The following IL1RAP variants were observed in gnomAD, a reference collection of about 807,000 sequenced individuals.
IL1RAP encodes interleukin 1 receptor accessory protein.
A neutral mutation model predicts 60.7 loss-of-function variants in IL1RAP; 35 were observed. The ratio of observed to expected loss-of-function variants is 0.58; its 90% CI spans 0.44 to 0.76. The LOEUF (loss-of-function observed/expected upper bound fraction) is 0.76, where lower values mean the gene tolerates loss of function less well. IL1RAP is among the 30% of genes least tolerant of loss of function. IL1RAP has a pLI of 0.00. For missense variants in IL1RAP, 572 were observed against 693.9 expected (o/e 0.82, Z 1.97); for synonymous variants, 268 against 250.9 (o/e 1.07, Z -0.64).
chr3:190,607,589 G>A (rs1178988495), intron 4 of IL1RAP, among the ~76,000 whole-genome samples: 4 of 152,134 alleles, frequency 2.6e-5, no homozygotes, highest in Non-Finnish European at 5.9e-5. Flanking sequence ...TAGATATGAG[G>A]TGGGAAAAGA....
Position 190,609,051 on chromosome 3 carries a change from G to T in IL1RAP, c.407G>T (p.Ser136Ile), listed in dbSNP as rs776275775. The change falls in exon 5 of 12, where the codon AGC becomes ATC. Residue 136 changes from serine (S) to isoleucine (I), a missense_variant. By Grantham distance (142) the Ser-to-Ile change is moderately radical (BLOSUM62 -2). Transcript: ENST00000447382. Reference protein sequence around the residue: ...AFPLEVVQKDSCFNSPMKLPV... With the variant: ...AFPLEVVQKDICFNSPMKLPV... ...CCCTTGGAAGTTGTTCAAAAAGACA[G>T]CTGTTTCAATTCCCCCATGAAACTC... The T allele has an allele frequency of 5.6e-6, 9 of 1,613,246 alleles. No individual in the cohort carries two copies. The African/African-American group carries it at 1.2e-4, about 22-fold the overall frequency.
At chr3:190,553,241 CCA>C (rs565868770) in intron 1 of IL1RAP, among the ~76,000 whole-genome samples, 1 of 152,142 alleles carries the variant, frequency 6.6e-6, no homozygotes, top group Non-Finnish European at 1.5e-5. Context: ...GCAAAGCACA[CCA>C]GACTGGCTAC....
intron 1 of IL1RAP, among the ~76,000 whole-genome samples, chr3:190,537,675 T>A (rs1723583582): frequency 6.6e-6 from 1 of 151,554 alleles, no homozygotes; most frequent in Non-Finnish European, 1.5e-5. Context: ...GTAATACATA[T>A]CAAAATGTAG....
intron 1 of IL1RAP, among the ~76,000 whole-genome samples, chr3:190,524,230 G>T (rs1577498889): frequency 6.6e-6 from 1 of 151,958 alleles, no homozygotes; most frequent in African/African-American, 2.4e-5. Context: ...ATTTGTTTAG[G>T]TTCCTTCTAG....
chr3:190,612,151 G>A (rs1447213470), intron 5 of IL1RAP, among the ~76,000 whole-genome samples: 1 of 152,120 alleles, frequency 6.6e-6, no homozygotes, highest in Non-Finnish European at 1.5e-5. Context: ...GTGAGTAGCT[G>A]TGCATGAAAT....
At chr3:190,622,870 A>T (rs901699294) in intron 6 of IL1RAP, among the ~76,000 whole-genome samples, 2 of 152,122 alleles carry the variant, frequency 1.3e-5, no homozygotes, top group Admixed American at 1.3e-4. Flanking sequence ...ACTTCCAGGG[A>T]TGGGTGAGAG....
chr3:190,595,109 CT>C (rs146425720), intron 3 of IL1RAP, among the ~76,000 whole-genome samples: 14,082 of 151,990 alleles, frequency 0.093, 716 homozygotes, highest in African/African-American at 0.12. Flanking sequence ...ATATATTTTT[CT>C]TATTTAGCAT....
chr3:190,603,349 G>C (rs145814259), intron 3 of IL1RAP, among the ~76,000 whole-genome samples: 1 of 152,220 alleles, frequency 6.6e-6, no homozygotes, highest in African/African-American at 2.4e-5. Flanking sequence ...TTTTTTATTT[G>C]ACTCTGTCAT....
intron 3 of IL1RAP, chr3:190,564,695 T>C (rs145287708): frequency 6.7e-4 from 156 of 232,562 alleles, no homozygotes; most frequent in African/African-American, 3.3e-3. Context: ...CACAATCTGT[T>C]TTTCAAATTT....
rs1440132188 is a variant in IL1RAP, at chr3:190,608,992, C to T, written c.351-3C>T. 6.2e-7 allele frequency: 1 copy of T among 1,607,058 alleles called. No homozygotes were observed. Among genetic ancestry groups the T allele is most frequent in the Non-Finnish European group, 8.5e-7 (1 of 1,177,208 alleles). Reference sequence around the variant, plus strand: ...CCCATTCATTGTATATTTCTTTTTTCAGGAACACTACATATTGCAGCAAAG... The same window carrying T: ...CCCATTCATTGTATATTTCTTTTTTTAGGAACACTACATATTGCAGCAAAG... On this transcript the variant is annotated splice_polypyrimidine_tract_variant and splice_region_variant and intron_variant, in intron 4 of 11. Transcript: ENST00000447382.
rs1204423353 is a variant in IL1RAP at position 190,565,166 on chromosome 3, G to GA, written c.64+825dup. On this transcript the variant is annotated intron_variant, in intron 3 of 11. Coordinates refer to ENST00000447382, the MANE Select transcript of IL1RAP (RefSeq NM_002182.4). ...ATTTACTTGGTTCAACTGTAGGACTGAAAAAAAAAAAAGAAACAAACAAAC... is the reference window on the plus strand; with the variant it reads ...ATTTACTTGGTTCAACTGTAGGACTGAAAAAAAAAAAAAGAAACAAACAAAC... Among the ~76,000 whole-genome samples, 161 of 137,878 alleles carry GA rather than the reference G, an allele frequency of 1.2e-3. 3 individuals carry two copies. Among genetic ancestry groups the GA allele is most frequent in the South Asian group, 3.0e-3 (13 of 4,322 alleles). The allele number at this position is 137,878 out of a possible 152,430, so 90.5% of individuals were successfully genotyped here.
At chr3:190,520,658 T>C (rs1402819972) in intron 1 of IL1RAP, 1 of 152,186 alleles carries the variant, frequency 6.6e-6, no homozygotes, top group African/African-American at 2.4e-5. Context: ...TCTAAAAGCA[T>C]TGAAGAATTT....
chr3:190,638,320 T>C (rs1481904814), intron 9 of IL1RAP, among the ~76,000 whole-genome samples: 3 of 152,136 alleles, frequency 2.0e-5, no homozygotes, highest in Non-Finnish European at 4.4e-5. Context: ...GAGTGTATGG[T>C]GGTATCTTAC....
chr3:190,539,046 ATACAGAGACT>A (rs374064456), intron 1 of IL1RAP, among the ~76,000 whole-genome samples: 131 of 152,302 alleles, frequency 8.6e-4, no homozygotes, highest in African/African-American at 3.1e-3. Flanking sequence ...GAATAGACTA[ATACAGAGACT>A]TACCACCTTA....
chr3:190,589,114 C>T (rs1728724193), intron 3 of IL1RAP, among the ~76,000 whole-genome samples: 1 of 152,130 alleles, frequency 6.6e-6, no homozygotes, highest in Non-Finnish European at 1.5e-5. Flanking sequence ...CTCTAACATG[C>T]AGTGGTTTTC....
At chr3:190,625,331 T>C (rs902738311) in intron 7 of IL1RAP, among the ~76,000 whole-genome samples, 1 of 152,104 alleles carries the variant, frequency 6.6e-6, no homozygotes, top group Non-Finnish European at 1.5e-5. Flanking sequence ...AGAGCACAAT[T>C]GGCTAGAAAG....
chr3:190,632,950 A>G (rs939188022), intron 9 of IL1RAP, among the ~76,000 whole-genome samples: 3 of 152,194 alleles, frequency 2.0e-5, no homozygotes, highest in African/African-American at 4.8e-5. Flanking sequence ...CTGTTTATCT[A>G]TCTTTAGTCC....
chr3:190,559,812 A>G (rs1165455475), intron 2 of IL1RAP, among the ~76,000 whole-genome samples: 2 of 152,196 alleles, frequency 1.3e-5, no homozygotes, highest in Non-Finnish European at 2.9e-5. Context: ...TGAATGTCCT[A>G]TTGAAAAGAA....
At chr3:190,555,911 G>T (rs1041078042) in intron 1 of IL1RAP, 1 of 144,246 alleles carries the variant, frequency 6.9e-6, no homozygotes, top group East Asian at 2.1e-4. Flanking sequence ...TATATATATA[G>T]ATAGATAGAG....
Sources: allele counts gnomAD v4.1 joint callset (sites outside exome capture counted in the v4.1 genomes callset), GRCh38; gene constraint gnomAD v4.1.1; transcripts MANE v1.5; gene names NCBI Gene and HGNC (gene_info 2026-07-23, HGNC 2026-07-21).